DNAJC10: variants seen among roughly 807,000 people sequenced by gnomAD.
DNAJC10 encodes endoplasmic reticulum disulfide reductase DNAJC10.
DNAJC10 carries 101 observed loss-of-function variants against 115.0 expected under a neutral mutation model. The observed-to-expected ratio is 0.88, with a 90% CI of 0.75 to 1.04. DNAJC10 has a LOEUF of 1.04. DNAJC10 is among the 50% of genes least tolerant of loss of function. The pLI, the probability that DNAJC10 is intolerant of heterozygous loss-of-function variation, is 0.00. For missense variants in DNAJC10, 981 were observed against 928.8 expected, an observed-to-expected ratio of 1.06 and a Z score of -0.73; for synonymous variants, 307 against 301.5, an observed-to-expected ratio of 1.02 and a Z score of -0.19.
rs556484473 is a variant in DNAJC10, at chr2:182,760,084, A to G, written c.2145+777A>G. ...ACTTCAGGTGTCTGATATGAGCTCTATCTCTATTGTCCACCTCACACCTTA... is the reference window on the plus strand; with the variant it reads ...ACTTCAGGTGTCTGATATGAGCTCTGTCTCTATTGTCCACCTCACACCTTA... On this transcript the variant is annotated intron_variant, in intron 21 of 23. Transcript: ENST00000264065. Among the ~76,000 whole-genome samples, 4 of 152,174 alleles carry G rather than the reference A, an allele frequency of 2.6e-5. No individual in the cohort carries two copies. The South Asian group carries it at 8.3e-4, about 32-fold the overall frequency.
At chr2:182,726,169 A>G (rs1693277695) in intron 5 of DNAJC10, among the ~76,000 whole-genome samples, 1 of 152,184 alleles carries the variant, frequency 6.6e-6, no homozygotes, top group South Asian at 2.1e-4. Context: ...GAGGTGTTCA[A>G]GGCTTCAATG....
chr2:182,732,714 C>T (rs1013331186), intron 10 of DNAJC10, 172 bp downstream of exon 10: 33 of 589,804 alleles, frequency 5.6e-5, no homozygotes, highest in Non-Finnish European at 9.0e-5. Flanking sequence ...TAATTAGTTA[C>T]GTTCAATAAA....
In DNAJC10 at chr2:182,741,262, G is replaced by A. The variant is rs766010801; in HGVS notation, c.1097G>A (p.Arg366Gln). The change falls in exon 13 of 24, where the codon CGG (arginine) becomes CAG (glutamine). Residue 366 changes from arginine to glutamine, a missense_variant. Transcript: ENST00000264065. The stretch of plus-strand genomic sequence containing the variant: ...TTTAAGGATCGTTTGGCTCATCATC[G>A]GTGGCTGTTATTTTTTCATTTTGGA... ...NTLEDRLAHHRWLLFFHFGKN... is the reference protein window; with the variant it reads ...NTLEDRLAHHQWLLFFHFGKN... The A allele has an allele frequency of 9.4e-6, 15 of 1,600,218 alleles. No individual in the cohort carries two copies. Among genetic ancestry groups the A allele is most frequent in the South Asian group, 7.9e-5 (7 of 88,150 alleles).
chr2:182,719,634 AC>A (rs1205035325), intron 3 of DNAJC10, among the ~76,000 whole-genome samples: 1 of 152,052 alleles, frequency 6.6e-6, no homozygotes, highest in African/African-American at 2.4e-5. Flanking sequence ...AAAATAACCT[AC>A]AAATGTATTG....
Position 182,756,475 on chromosome 2 carries a change from G to C in DNAJC10, c.1809+6G>C. On this transcript the variant is annotated splice_donor_region_variant and intron_variant, in intron 18 of 23. Coordinates refer to ENST00000264065, the MANE Select transcript of DNAJC10 (RefSeq NM_018981.4). ...AATGGAAAAGAATGGCCCGGGTATA[G>C]TAAAAATAGTTTATTTTAAATCTTA... The C allele has an allele frequency of 1.3e-6, 2 of 1,598,554 alleles. No individual in the cohort carries two copies. The highest frequency in any genetic ancestry group is 1.7e-6 in the Non-Finnish European group (2 of 1,175,490).
At chr2:182,733,448 A>T (rs1041974834) in intron 10 of DNAJC10, among the ~76,000 whole-genome samples, 1 of 151,874 alleles carries the variant, frequency 6.6e-6, no homozygotes, top group African/African-American at 2.4e-5. Context: ...AAAAAAACAA[A>T]ACCATGTCCC....
In DNAJC10 at chr2:182,791,955, A is replaced by G. The variant is rs1296378412; in HGVS notation, c.*14823A>G. 6.6e-6 allele frequency: 1 copy of G among 152,140 alleles called. No homozygotes were observed. The highest frequency in any genetic ancestry group is 2.4e-5 in the African/African-American group (1 of 41,412). The allele number at this position is 152,140 out of a possible 1,614,324, so 9.4% of individuals were successfully genotyped here. ...AGATACACATTTTAAATTTAACTCT[A>G]AACAATGCAATAATCTAGAGAATCA... is the stretch of plus-strand genomic sequence containing the variant. On this transcript the variant is annotated 3_prime_UTR_variant, in exon 24 of 24. Coordinates refer to ENST00000264065, the MANE Select transcript of DNAJC10 (RefSeq NM_018981.4).
intron 5 of DNAJC10, among the ~76,000 whole-genome samples, chr2:182,728,088 T>C (rs1294202690): frequency 6.6e-6 from 1 of 152,230 alleles, no homozygotes; most frequent in Non-Finnish European, 1.5e-5. Flanking sequence ...GGTCTCTTAT[T>C]TTATTCTTTC....
In DNAJC10 at chr2:182,727,044, ATTGTT is replaced by A. The variant is rs1189792553; in HGVS notation, c.419-1525_419-1521del. 9.5e-5 allele frequency among the ~76,000 whole-genome samples: 11 copies of A among 115,454 alleles called. No individual in the cohort carries two copies. In the Admixed American group the frequency reaches 9.6e-4, roughly 10 times the overall value. The allele number at this position is 115,454 out of a possible 152,430, so 75.7% of individuals were successfully genotyped here. ...CCTATTTTCTAATTAAGGTATGTAC[ATTGTT>A]TTGTTTGTTTTTTTTTTTTAGACAT... On this transcript the variant is annotated intron_variant, in intron 5 of 23. Transcript: ENST00000264065.
At chr2:182,776,456 G>GTGCTT (rs1694708833) in intron 23 of DNAJC10, among the ~76,000 whole-genome samples, 1 of 152,160 alleles carries the variant, frequency 6.6e-6, no homozygotes, top group Non-Finnish European at 1.5e-5. Flanking sequence ...GAATGTTGTA[G>GTGCTT]TGCTTTTAAA....
rs777529410 is a variant in DNAJC10 at position 182,779,331 on chromosome 2, C to G, written c.*2199C>G. ...TCTAAGGAGTACCAGGTATAATGTGCCATTTCTCTCAGCAACACCATTTTT... is the reference window on the plus strand; with the variant it reads ...TCTAAGGAGTACCAGGTATAATGTGGCATTTCTCTCAGCAACACCATTTTT... On this transcript the variant is annotated 3_prime_UTR_variant, in exon 24 of 24. Coordinates refer to ENST00000264065, the MANE Select transcript of DNAJC10 (RefSeq NM_018981.4). The G allele has an allele frequency of 1.3e-5, 2 of 152,110 alleles. No individual in the cohort carries two copies. The highest frequency in any genetic ancestry group is 2.9e-5 in the Non-Finnish European group (2 of 68,024). The allele number at this position is 152,110 out of a possible 1,614,324, so 9.4% of individuals were successfully genotyped here.
At chr2:182,755,494 G>GA (rs1204437394) in intron 17 of DNAJC10, among the ~76,000 whole-genome samples, 52 of 130,290 alleles carry the variant, frequency 4.0e-4, no homozygotes, top group South Asian at 4.8e-4. Context: ...GGGACTCCTA[G>GA]AAAAAAAAAA....
At chr2:182,732,869 A>G (rs916565325) in intron 10 of DNAJC10, 9 of 323,928 alleles carry the variant, frequency 2.8e-5, no homozygotes, top group Non-Finnish European at 1.1e-5. Context: ...GTCATTTTTA[A>G]ATGTATATAG....
chr2:182,727,630 T>C lies in DNAJC10; in HGVS notation c.419-946T>C, dbSNP rs563433014. Among the ~76,000 whole-genome samples, 130 of 152,330 alleles carry C rather than the reference T, an allele frequency of 8.5e-4. 6 individuals are homozygous for C. The South Asian group carries it at 0.023, about 27-fold the overall frequency. On this transcript the variant is annotated intron_variant, in intron 5 of 23. Transcript: ENST00000264065. ...GTCTGTCTTATACTTGAAATGTAGG[T>C]GAACACTGAGTCCTGCACCTGTTTC...
At position 182,783,147 on chromosome 2, in the gene DNAJC10, A is replaced by G. The variant is rs1352945558; in HGVS notation, c.*6015A>G. On this transcript the variant is annotated 3_prime_UTR_variant, in exon 24 of 24. Transcript: ENST00000264065. ...TAATTTTATCGAAGGCCTTTTCTGC[A>G]TCTATTGAGATAATCATGTTTTTGT... 1 of 152,198 alleles carries G rather than the reference A, an allele frequency of 6.6e-6. No homozygotes were observed. Among genetic ancestry groups the G allele is most frequent in the Non-Finnish European group, 1.5e-5 (1 of 68,038 alleles). The allele number at this position is 152,198 out of a possible 1,614,324, so 9.4% of individuals were successfully genotyped here.
At chr2:182,776,438 G>C (rs1180597488) in intron 23 of DNAJC10, among the ~76,000 whole-genome samples, 1 of 152,088 alleles carries the variant, frequency 6.6e-6, no homozygotes. Flanking sequence ...ACAGAACAAA[G>C]AGTCTATGAA....
chr2:182,746,827 A>T, intron 14 of DNAJC10, among the ~76,000 whole-genome samples: 1 of 151,966 alleles, frequency 6.6e-6, no homozygotes, highest in Non-Finnish European at 1.5e-5. Flanking sequence ...CTGAATGGTA[A>T]TGCCTAGGTT....
chr2:182,753,579 G>GTTTTTTTTTTTTTTTTTT, intron 16 of DNAJC10, among the ~76,000 whole-genome samples: 1 of 99,400 alleles, frequency 1.0e-5, no homozygotes, highest in Non-Finnish European at 1.9e-5. Flanking sequence ...CTTTAGTTTA[G>GTTTTTTTTTTTTTTTTTT]TTTTTTTTTT....
chr2:182,763,799 A>C (rs536492962), intron 22 of DNAJC10, among the ~76,000 whole-genome samples: 4 of 152,226 alleles, frequency 2.6e-5, no homozygotes, highest in African/African-American at 9.6e-5. Flanking sequence ...ATGCAAGGTA[A>C]ACTTCTATTG....
Sources: allele counts gnomAD v4.1 joint callset (sites outside exome capture counted in the v4.1 genomes callset), GRCh38; gene constraint gnomAD v4.1.1; transcripts MANE v1.5; gene names NCBI Gene and HGNC (gene_info 2026-07-23, HGNC 2026-07-21).